SH2D4A: variants seen among roughly 807,000 people sequenced by gnomAD.
SH2D4A encodes SH2 domain containing 4A.
SH2D4A carries 70 observed loss-of-function variants against 64.7 expected under a neutral mutation model. That is an observed-to-expected ratio of 1.08 (90% CI 0.89 to 1.32). SH2D4A has a LOEUF of 1.32. SH2D4A is among the 40% of genes most tolerant of loss of function. The pLI, the probability that SH2D4A is intolerant of heterozygous loss-of-function variation, is 0.00. For missense variants in SH2D4A, 706 were observed against 540.1 expected, an observed-to-expected ratio of 1.31 and a Z score of -3.04; for synonymous variants, 268 against 200.7, an observed-to-expected ratio of 1.34 and a Z score of -2.83.
chr8:19,333,187 T>A, intron 3 of SH2D4A, 73 bp downstream of exon 3: 2 of 1,497,336 alleles, frequency 1.3e-6, no homozygotes, highest in East Asian at 2.3e-5. Context: ...ACACACCTCT[T>A]GCTCACAGTA....
At chr8:19,393,576 G>A (rs1458317406) in intron 9 of SH2D4A, 35 bp downstream of exon 9, 6 of 1,599,560 alleles carry the variant, frequency 3.8e-6, no homozygotes, top group Non-Finnish European at 5.1e-6. Flanking sequence ...TGCCTTCTGA[G>A]TTACTGTCCT....
At chr8:19,382,216 C>T (rs1373552107) in intron 8 of SH2D4A, among the ~76,000 whole-genome samples, 4 of 151,978 alleles carry the variant, frequency 2.6e-5, no homozygotes, top group Admixed American at 1.3e-4. Flanking sequence ...TTTTGTTTAC[C>T]CAGAAATGTC....
At position 19,335,295 on chromosome 8, in the gene SH2D4A, C is replaced by CA. The variant is rs796070964; in HGVS notation, c.513+449dup. 7.1e-3 allele frequency among the ~76,000 whole-genome samples: 1,008 copies of CA among 142,262 alleles called. 13 individuals carry two copies. Among genetic ancestry groups the CA allele is most frequent in the African/African-American group, 0.024 (917 of 38,836 alleles). The allele number at this position is 142,262 out of a possible 152,430, so 93.3% of individuals were successfully genotyped here. On this transcript the variant is annotated intron_variant, in intron 4 of 9. Coordinates refer to ENST00000265807, the MANE Select transcript of SH2D4A (RefSeq NM_022071.4). The stretch of plus-strand genomic sequence containing the variant: ...TGGGCGACAGAGCGAGACTCCATCT[C>CA]AAAAAAAAAAAGATCCTCTTGCTCA...
In SH2D4A at chr8:19,373,572, G is replaced by C. The variant is rs1185325202; in HGVS notation, c.960G>C (p.Glu320Asp). The C allele has an allele frequency of 6.2e-7, 1 of 1,613,232 alleles. No individual in the cohort carries two copies. Among genetic ancestry groups the C allele is most frequent in the Admixed American group, 1.7e-5 (1 of 59,916 alleles). ...VVRTLSSSAQ[E>D]DIIRWFKEEQ... ...GGACACTGTCCAGCTCTGCCCAAGA[G>C]GACATCATCCGGTGGTTTAAAGAGG... Residue 320 changes from glutamate to aspartate, a missense_variant, in exon 8 of 10, where the codon GAG (glutamate) becomes GAC (aspartate). Glu to Asp is a conservative substitution (Grantham distance 45). Coordinates refer to ENST00000265807, the MANE Select transcript of SH2D4A (RefSeq NM_022071.4).
chr8:19,338,348 A>G lies in SH2D4A; in HGVS notation c.513+3491A>G, dbSNP rs367674706. ...ATAAACAATCTATTTGTTAGGCAGA[A>G]TAATGGCAAATATATCCACATTTAG... On this transcript the variant is annotated intron_variant, in intron 4 of 9. Transcript: ENST00000265807. 1.4e-4 allele frequency among the ~76,000 whole-genome samples: 21 copies of G among 152,310 alleles called. 1 individual carries two copies. Among genetic ancestry groups the G allele is most frequent in the African/African-American group, 4.8e-4 (20 of 41,556 alleles).
rs776854617 is a variant in SH2D4A at position 19,393,333 on chromosome 8, A to G, written c.1064A>G (p.Lys355Arg). 10 of 1,614,086 alleles carry G rather than the reference A, an allele frequency of 6.2e-6. No homozygotes were observed. Among genetic ancestry groups the G allele is most frequent in the South Asian group, 4.4e-5 (4 of 91,090 alleles). Residue 355 changes from lysine to arginine, a missense_variant, in exon 9 of 10, where the codon AAG (lysine) becomes AGG (arginine). Transcript: ENST00000265807. ...TTTGCCACAGGAATTCTCACACTCA[A>G]GAAAGCAAATGAACTTCTTCTGAGC... The part of the protein sequence containing the change: ...APWFHGILTL[K>R]KANELLLSTG...
At chr8:19,349,089 C>T (rs1275395547) in intron 4 of SH2D4A, among the ~76,000 whole-genome samples, 1 of 152,154 alleles carries the variant, frequency 6.6e-6, no homozygotes, top group African/African-American at 2.4e-5. Flanking sequence ...GAGTCATTTG[C>T]CTTGATGTAT....
intron 7 of SH2D4A, among the ~76,000 whole-genome samples, chr8:19,370,859 G>A (rs1274142674): frequency 1.3e-5 from 2 of 151,780 alleles, no homozygotes; most frequent in African/African-American, 4.8e-5. Flanking sequence ...GTACATTTTG[G>A]TTCCTTTTTA....
At chr8:19,393,263 G>C (rs2053523279) in intron 8 of SH2D4A, 55 bp from the exon 9 acceptor site, 1 of 1,519,012 alleles carries the variant, frequency 6.6e-7, no homozygotes. Context: ...TTTAACAGAG[G>C]GGATTTTCTG....
At chr8:19,335,830 T>C (rs1332637707) in intron 4 of SH2D4A, among the ~76,000 whole-genome samples, 2 of 152,162 alleles carry the variant, frequency 1.3e-5, no homozygotes, top group East Asian at 1.9e-4. Flanking sequence ...AACTCAAACA[T>C]AATTTGCTGG....
At chr8:19,364,477 C>G (rs2052954580) in intron 7 of SH2D4A, among the ~76,000 whole-genome samples, 195 bp downstream of exon 7, 1 of 152,060 alleles carries the variant, frequency 6.6e-6, no homozygotes, top group Non-Finnish European at 1.5e-5. Context: ...TTTTAGCTGT[C>G]AAATGTCCAT....
chr8:19,316,805 C>T (rs749073956), intron 1 of SH2D4A, among the ~76,000 whole-genome samples: 2 of 152,320 alleles, frequency 1.3e-5, no homozygotes, highest in East Asian at 1.9e-4. Flanking sequence ...CCGGCTCTGC[C>T]GCTTACCAGC....
chr8:19,354,854 G>A (rs1462370221), intron 4 of SH2D4A, among the ~76,000 whole-genome samples: 1 of 152,164 alleles, frequency 6.6e-6, no homozygotes, highest in African/African-American at 2.4e-5. Flanking sequence ...TTAGCTTAAT[G>A]CTAATTCAGG....
chr8:19,336,671 C>G (rs979613681), intron 4 of SH2D4A, among the ~76,000 whole-genome samples: 1 of 151,912 alleles, frequency 6.6e-6, no homozygotes, highest in Non-Finnish European at 1.5e-5. Context: ...TGGGCATAAT[C>G]CTGCAGAGAC....
At position 19,334,825 on chromosome 8, in the gene SH2D4A, C is replaced by T. The variant is rs750780674; in HGVS notation, c.481C>T (p.Pro161Ser). Residue 161 changes from proline (P) to serine (S), a missense_variant, in exon 4 of 10, where the codon CCA becomes TCA. Pro to Ser is a moderately conservative substitution (Grantham distance 74, BLOSUM62 -1). Transcript: ENST00000265807. ...EKEELEQGSRPAPTLEEEKIR... is the reference protein window; with the variant it reads ...EKEELEQGSRSAPTLEEEKIR... ...GGAGGAACTGGAGCAAGGATCGAGGCCAGCACCAACCCTGGAAGAAGAGAA... is the reference window on the plus strand; with the variant it reads ...GGAGGAACTGGAGCAAGGATCGAGGTCAGCACCAACCCTGGAAGAAGAGAA... 6 of 1,611,190 alleles carry T rather than the reference C, an allele frequency of 3.7e-6. No individual in the cohort carries two copies. The highest frequency in any genetic ancestry group is 5.1e-6 in the Non-Finnish European group (6 of 1,179,348).
intron 4 of SH2D4A, among the ~76,000 whole-genome samples, chr8:19,349,852 C>T (rs970427048): frequency 3.3e-5 from 5 of 152,136 alleles, no homozygotes; most frequent in East Asian, 3.9e-4. Context: ...TACAGGTGCC[C>T]ATCACCACGC....
chr8:19,383,622 C>T (rs567539005), intron 8 of SH2D4A, among the ~76,000 whole-genome samples: 8 of 151,940 alleles, frequency 5.3e-5, no homozygotes, highest in Middle Eastern at 3.4e-3. Flanking sequence ...TTCCTCTTCC[C>T]GAAGGTTTAC....
At chr8:19,369,769 CTTCAT>C (rs1179963093) in intron 7 of SH2D4A, among the ~76,000 whole-genome samples, 2 of 151,860 alleles carry the variant, frequency 1.3e-5, no homozygotes, top group Admixed American at 6.6e-5. Context: ...TAAAACCACT[CTTCAT>C]TTCATTCATA....
chr8:19,361,815 C>T (rs1453221348), intron 6 of SH2D4A, among the ~76,000 whole-genome samples: 7 of 151,564 alleles, frequency 4.6e-5, no homozygotes, highest in Non-Finnish European at 7.4e-5. Flanking sequence ...GATTTTTTTT[C>T]CCCTAAATTT....
Sources: allele counts gnomAD v4.1 joint callset (sites outside exome capture counted in the v4.1 genomes callset), GRCh38; gene constraint gnomAD v4.1.1; transcripts MANE v1.5; gene names NCBI Gene and HGNC (gene_info 2026-07-23, HGNC 2026-07-21).